PDXDC1: variants seen among roughly 807,000 people sequenced by gnomAD.
The protein encoded by PDXDC1 is pyridoxal-dependent decarboxylase domain-containing protein 1.
Under a neutral mutation model 100.1 loss-of-function variants are expected in PDXDC1, and 42 were observed. That is an observed-to-expected ratio of 0.42 (90% CI 0.33 to 0.54). The LOEUF (loss-of-function observed/expected upper bound fraction) is 0.54, where lower values mean the gene tolerates loss of function less well. PDXDC1 is among the 20% of genes least tolerant of loss of function. The pLI is 0.10. For synonymous variants in PDXDC1, 260 were observed against 371.7 expected (o/e 0.70, Z 3.46); for missense variants, 636 against 979.2 (o/e 0.65, Z 4.68).
chr16:15,058,664 T>G (rs2044610268), intron 16 of PDXDC1, among the ~76,000 whole-genome samples: 1 of 151,906 alleles, frequency 6.6e-6, no homozygotes, highest in Admixed American at 6.6e-5. Context: ...GAGGCGGAGG[T>G]TGCAGTTGTT....
At chr16:14,990,405 T>A (rs1446718176) in intron 1 of PDXDC1, among the ~76,000 whole-genome samples, 1 of 152,292 alleles carries the variant, frequency 6.6e-6, no homozygotes, top group Non-Finnish European at 1.5e-5. Flanking sequence ...ATACAGCTAT[T>A]TTGGCATTGC....
chr16:15,089,284 C>G (rs1296823030), intron 16 of PDXDC1, among the ~76,000 whole-genome samples: 2 of 151,928 alleles, frequency 1.3e-5, no homozygotes, highest in African/African-American at 2.4e-5. Context: ...GAGCAAGACT[C>G]TGTTCTGCCC....
At chr16:15,130,615 G>A (rs779727709) in intron 16 of PDXDC1, 5 of 1,375,518 alleles carry the variant, frequency 3.6e-6, no homozygotes. Context: ...TGCCCTGCCA[G>A]GCCGGCCCGC....
rs536760985 is a variant in PDXDC1 at position 15,135,345 on chromosome 16, C to T, written c.1400-3534C>T. Reference sequence around the variant, plus strand: ...ACGGTGAGGCTGAAGGTGTACTCCACGCCAGCCGCCAGCCGTTCCCGTGGA... The same window carrying T: ...ACGGTGAGGCTGAAGGTGTACTCCATGCCAGCCGCCAGCCGTTCCCGTGGA... On this transcript the variant is annotated intron_variant, in intron 16 of 16. Transcript: ENST00000535621. 284 of 1,539,374 alleles carry T rather than the reference C, an allele frequency of 1.8e-4. 2 individuals carry two copies. The highest frequency in any genetic ancestry group is 9.1e-4 in the East Asian group (37 of 40,876).
intron 16 of PDXDC1, chr16:15,061,826 C>A (rs1351299268): frequency 6.2e-7 from 1 of 1,614,182 alleles, no homozygotes; most frequent in South Asian, 1.1e-5. Flanking sequence ...GTCAAAGGAG[C>A]TTGGTGTGAT....
chr16:14,990,125 T>C (rs1970408130), intron 1 of PDXDC1: 8 of 1,461,458 alleles, frequency 5.5e-6, no homozygotes, highest in Non-Finnish European at 7.2e-6. Context: ...TCGACAGCAG[T>C]CCCGGCAGCC....
At chr16:15,030,544 CAAAAAAA>C (rs1156634836) in intron 16 of PDXDC1, among the ~76,000 whole-genome samples, 6 of 38,378 alleles carry the variant, frequency 1.6e-4, no homozygotes, top group South Asian at 1.9e-3. Context: ...GACTCCATCT[CAAAAAAA>C]AAAAAAAAAA....
intron 1 of PDXDC1, chr16:14,989,953 T>C: frequency 6.8e-7 from 1 of 1,461,096 alleles, no homozygotes; most frequent in Non-Finnish European, 9.0e-7. Flanking sequence ...CAGGCGCGGG[T>C]GGCCGCCTCC....
chr16:15,129,055 T>G (rs1262695268), intron 16 of PDXDC1, among the ~76,000 whole-genome samples: 1 of 151,632 alleles, frequency 6.6e-6, no homozygotes, highest in Admixed American at 6.6e-5. Flanking sequence ...TTTGCCTGCC[T>G]CGGCCTCCCA....
At chr16:15,050,913 T>C (rs762912404) in intron 16 of PDXDC1, among the ~76,000 whole-genome samples, 2 of 152,148 alleles carry the variant, frequency 1.3e-5, no homozygotes, top group Non-Finnish European at 2.9e-5. Flanking sequence ...TGAACTGCAG[T>C]GTAAAATTAG....
chr16:15,060,382 T>G (rs1265797728), intron 16 of PDXDC1: 2 of 194,410 alleles, frequency 1.0e-5, no homozygotes, highest in Middle Eastern at 2.3e-3. Flanking sequence ...TCCAAAAAAG[T>G]ATTTACAGAC....
At position 15,134,093 on chromosome 16, in the gene PDXDC1, G is replaced by A. The variant is rs538162642; in HGVS notation, c.1400-4786G>A. 466 of 1,556,364 alleles carry A rather than the reference G, an allele frequency of 3.0e-4. 2 individuals carry two copies. In the African/African-American group the frequency reaches 5.5e-3, roughly 18 times the overall value. On this transcript the variant is annotated intron_variant, in intron 16 of 16. Transcript: ENST00000535621. The stretch of plus-strand genomic sequence containing the variant: ...CCCACCGCTGCAGGCAGAAGGGGTG[G>A]TGAGGGGGCGCAACCCTCTGCCCTG...
rs565979831 is a variant in PDXDC1, at chr16:15,131,180, G to A, written c.1400-7699G>A. The A allele has an allele frequency of 1.5e-5, 24 of 1,588,350 alleles. 1 individual carries two copies. The highest frequency in any genetic ancestry group is 1.3e-4 in the African/African-American group (10 of 74,824). Reference sequence around the variant, plus strand: ...ACAGCACCGACGGAGGCCTGGGGCTGGACCACAACGGAGTTGGCAGAGCTG... The same window carrying A: ...ACAGCACCGACGGAGGCCTGGGGCTAGACCACAACGGAGTTGGCAGAGCTG... On this transcript the variant is annotated intron_variant, in intron 16 of 16. Coordinates refer to the PDXDC1 transcript ENST00000535621.
At chr16:15,093,717 C>A (rs553600822) in intron 16 of PDXDC1, among the ~76,000 whole-genome samples, 11 of 152,178 alleles carry the variant, frequency 7.2e-5, no homozygotes, top group Non-Finnish European at 1.0e-4. Flanking sequence ...ATAAAGACTG[C>A]GAAACAAATA....
intron 1 of PDXDC1, chr16:14,989,094 G>A: frequency 2.5e-6 from 4 of 1,614,268 alleles, no homozygotes; most frequent in Admixed American, 3.3e-5. Context: ...GAGGCCAGAC[G>A]GCCTGTGGGT....
chr16:15,128,215 C>G, intron 16 of PDXDC1: 1 of 1,611,176 alleles, frequency 6.2e-7, no homozygotes, highest in Non-Finnish European at 8.5e-7. Context: ...GCAGGGTCCG[C>G]ACAGACCTTT....
rs1199562535 is a variant in PDXDC1, at chr16:15,127,686, C to A, written c.1400-11193C>A. 3.6e-6 allele frequency: 5 copies of A among 1,406,452 alleles called. No individual in the cohort carries two copies. In the South Asian group the frequency reaches 3.7e-5, roughly 10 times the overall value. 87.1% of individuals were successfully genotyped at this position (1,406,452 alleles called of 1,614,324 possible). A position where few individuals can be genotyped will look rare whatever the true frequency, so the allele number is the denominator to read the frequency against. ...GCTGTCCCGACCCCTACGGCACCCA[C>A]CTGTAGGCAGAGTCACCAACAGCCC... On this transcript the variant is annotated intron_variant, in intron 16 of 16. Transcript: ENST00000535621.
intron 8 of PDXDC1, among the ~76,000 whole-genome samples, chr16:15,014,233 A>G (rs1320031476): frequency 2.0e-5 from 3 of 152,250 alleles, no homozygotes; most frequent in African/African-American, 7.2e-5. Context: ...GACAAAATAG[A>G]AAAACCACAT....
the PDXDC1 span, among the ~76,000 whole-genome samples, chr16:15,145,065 G>A: frequency 6.6e-6 from 1 of 152,156 alleles, no homozygotes; most frequent in Non-Finnish European, 1.5e-5. Context: ...CTCCTGATGG[G>A]CACAGAGGCT....
Sources: allele counts gnomAD v4.1 joint callset (sites outside exome capture counted in the v4.1 genomes callset), GRCh38; gene constraint gnomAD v4.1.1; transcripts MANE v1.5; gene names NCBI Gene and HGNC (gene_info 2026-07-23, HGNC 2026-07-21).